Variants in SPTBN4 observed in about 807,000 individuals in gnomAD.
SPTBN4 encodes spectrin beta chain, non-erythrocytic 4.
A neutral mutation model predicts 277.8 loss-of-function variants in SPTBN4; 96 were observed. The ratio of observed to expected loss-of-function variants is 0.35; its 90% CI spans 0.29 to 0.41. The LOEUF (loss-of-function observed/expected upper bound fraction) is 0.41. SPTBN4 is among the 10% of genes least tolerant of loss of function. SPTBN4 has a pLI of 1.00. For missense variants in SPTBN4, 3,006 were observed against 3,595.7 expected, an observed-to-expected ratio of 0.84 and a Z score of 4.19; for synonymous variants, 1,481 against 1,580.3, an observed-to-expected ratio of 0.94 and a Z score of 1.49.
chr19:40,530,086 G>A lies in SPTBN4; in HGVS notation c.3948+955G>A, dbSNP rs182855006. On this transcript the variant is annotated intron_variant, in intron 18 of 35. Coordinates refer to ENST00000598249, the MANE Select transcript of SPTBN4 (RefSeq NM_020971.3). ...CCTGTTCCCCCTCGCCCCCACTGGA[G>A]ATTGTGAGATGTTCCAGGTCGCCCT... 1.3e-3 allele frequency among the ~76,000 whole-genome samples: 195 copies of A among 152,214 alleles called. 1 individual carries two copies. The highest frequency in any genetic ancestry group is 4.3e-3 in the Admixed American group (66 of 15,296).
chr19:40,552,767 G>A (rs1462110346), intron 22 of SPTBN4, among the ~76,000 whole-genome samples: 1 of 152,152 alleles, frequency 6.6e-6, no homozygotes, highest in African/African-American at 2.4e-5. Context: ...GCTGTCAACA[G>A]TGTGGGCGAC....
At chr19:40,480,022 C>T (rs1030390213) in intron 2 of SPTBN4, among the ~76,000 whole-genome samples, 15 of 151,574 alleles carry the variant, frequency 9.9e-5, no homozygotes, top group East Asian at 1.9e-4. Flanking sequence ...GAGGCAGAGG[C>T]GGATGGATCA....
chr19:40,572,534 A>C, intron 35 of SPTBN4, 154 bp downstream of exon 35: 1 of 942,534 alleles, frequency 1.1e-6, no homozygotes, highest in Non-Finnish European at 1.6e-6. Context: ...TGAGAGCCCA[A>C]AGGAGGTTCC....
At chr19:40,529,183 G>C (rs1418529144) in intron 18 of SPTBN4, 52 bp downstream of exon 18, 1 of 1,501,886 alleles carries the variant, frequency 6.7e-7, no homozygotes, top group Non-Finnish European at 9.3e-7. Flanking sequence ...AGTCGGGAGG[G>C]AAGTGCTTCT....
At chr19:40,512,532 T>C in intron 13 of SPTBN4, 74 bp from the exon 14 acceptor site, 1 of 1,428,850 alleles carries the variant, frequency 7.0e-7, no homozygotes, top group Non-Finnish European at 9.1e-7. Flanking sequence ...ACAGGGTAGG[T>C]AGCCCGCACC....
chr19:40,557,283 TGAG>T lies in SPTBN4; in HGVS notation c.5554_5556del (p.Glu1852del). On this transcript the variant is annotated inframe_deletion, in exon 26 of 36. Coordinates refer to ENST00000598249, the MANE Select transcript of SPTBN4 (RefSeq NM_020971.3). ...ACGCCCGAGAGCTTCAGGGACAGATTGAGGAGAAGCGGAGGCGGCTGCCCCGCC... is the reference window on the plus strand; with the variant it reads ...ACGCCCGAGAGCTTCAGGGACAGATTGAGAAGCGGAGGCGGCTGCCCCGCC... 1 of 1,613,490 alleles carries T rather than the reference TGAG, an allele frequency of 6.2e-7. No individual in the cohort carries two copies. Among genetic ancestry groups the T allele is most frequent in the Non-Finnish European group, 8.5e-7 (1 of 1,179,858 alleles).
intron 35 of SPTBN4, among the ~76,000 whole-genome samples, chr19:40,574,019 T>A (rs780373856): frequency 1.3e-5 from 2 of 151,996 alleles, no homozygotes; most frequent in African/African-American, 2.4e-5. Context: ...GAAGAATGGC[T>A]TGAACCCGGG....
intron 32 of SPTBN4, among the ~76,000 whole-genome samples, chr19:40,569,947 C>CACAG (rs949144127): frequency 1.4e-5 from 2 of 145,340 alleles, no homozygotes; most frequent in African/African-American, 5.3e-5. Flanking sequence ...CACACACACA[C>CACAG]ACACACACAC....
chr19:40,504,137 C>CTGGG lies in SPTBN4; in HGVS notation c.1665+5_1665+6insTGGG. 4 of 585,334 alleles carry CTGGG rather than the reference C, an allele frequency of 6.8e-6. No individual in the cohort carries two copies. Among genetic ancestry groups the CTGGG allele is most frequent in the Admixed American group, 3.1e-5 (1 of 32,352 alleles). The allele number at this position is 585,334 out of a possible 1,614,324, so 36.3% of individuals were successfully genotyped here. A position where few individuals can be genotyped will look rare whatever the true frequency, so the allele number is the denominator to read the frequency against. On this transcript the variant is annotated splice_donor_region_variant and intron_variant, in intron 12 of 35. Coordinates refer to ENST00000598249, the MANE Select transcript of SPTBN4 (RefSeq NM_020971.3). ...GACTGGATGGAGGAGATGCAGGTGC[C>CTGGG]GGCGGGGGGGCGGGGATGCGGGTGG...
chr19:40,562,725 T>C (rs1277128589), intron 27 of SPTBN4, among the ~76,000 whole-genome samples: 1 of 151,558 alleles, frequency 6.6e-6, no homozygotes, highest in African/African-American at 2.4e-5. Flanking sequence ...TCCCAGCTAC[T>C]TGGGAGGCTG....
chr19:40,570,432 ACAGCCGTCGCTGCCT>A lies in SPTBN4; in HGVS notation c.7029_7043del (p.Ser2344_Pro2348del). On this transcript the variant is annotated splice_acceptor_variant and splice_polypyrimidine_tract_variant and coding_sequence_variant and intron_variant, in exon 33 of 36. Coordinates refer to ENST00000598249, the MANE Select transcript of SPTBN4 (RefSeq NM_020971.3). LOFTEE classifies it high-confidence loss of function. ...GCACCCCTCTTCCCCCTCCCTTCAC[ACAGCCGTCGCTGCCT>A]CAGCCACGCGAGCTTCCCCCAGGTC... The A allele has an allele frequency of 1.9e-6, 3 of 1,546,832 alleles. No individual in the cohort carries two copies. The highest frequency in any genetic ancestry group is 1.7e-6 in the Non-Finnish European group (2 of 1,154,580).
At chr19:40,505,221 C>CAA (rs60448674) in intron 12 of SPTBN4, among the ~76,000 whole-genome samples, 45 of 75,020 alleles carry the variant, frequency 6.0e-4, no homozygotes, top group African/African-American at 1.6e-3. Context: ...CCTGTCTGTA[C>CAA]AAAAAAAAAA....
intron 17 of SPTBN4, among the ~76,000 whole-genome samples, chr19:40,527,837 C>A (rs1430435708): frequency 4.6e-5 from 7 of 152,156 alleles, no homozygotes; most frequent in Non-Finnish European, 1.0e-4. Flanking sequence ...GGGTGGATCA[C>A]TTGAGGTCAG....
rs1344395648 is a variant in SPTBN4 at position 40,512,932 on chromosome 19, C to T, written c.2143C>T (p.Leu715=). 2 of 1,422,616 alleles carry T rather than the reference C, an allele frequency of 1.4e-6. No homozygotes were observed. Among genetic ancestry groups the T allele is most frequent in the African/African-American group, 1.5e-5 (1 of 66,204 alleles). The allele number at this position is 1,422,616 out of a possible 1,614,324, so 88.1% of individuals were successfully genotyped here. A position where few individuals can be genotyped will look rare whatever the true frequency, so the allele number is the denominator to read the frequency against. ...CGAGCTGGGCGGGCGGCGAGCGTTG[C>T]TGCAGCAGGCCCTGCGGTGTGGCGA... ...QGELGGRRAL[L]QQALRCGEEL... The change falls in exon 14 of 36, where the codon CTG becomes TTG. Residue 715 remains leucine, a synonymous_variant. Coordinates refer to ENST00000598249, the MANE Select transcript of SPTBN4 (RefSeq NM_020971.3).
rs1450918274 is a variant in SPTBN4, at chr19:40,515,902, A to AAT, written c.2903+464_2903+465dup. The stretch of plus-strand genomic sequence containing the variant: ...CACACACACACACACACACACACAA[A>AAT]ATATATATATACACACACATATATA... On this transcript the variant is annotated intron_variant, in intron 15 of 35. Coordinates refer to ENST00000598249, the MANE Select transcript of SPTBN4 (RefSeq NM_020971.3). This position sits in a 1 kb window ranked among gnomAD's most constrained non-coding sequence, Gnocchi z 4.1. Among the ~76,000 whole-genome samples, 6 of 136,036 alleles carry AAT rather than the reference A, an allele frequency of 4.4e-5. 2 individuals are homozygous for AAT. In the South Asian group the frequency reaches 7.0e-4, roughly 16 times the overall value. The allele number at this position is 136,036 out of a possible 152,430, so 89.2% of individuals were successfully genotyped here. A position where few individuals can be genotyped will look rare whatever the true frequency, so the allele number is the denominator to read the frequency against.
intron 16 of SPTBN4, 104 bp downstream of exon 16, chr19:40,520,255 C>T: frequency 1.6e-6 from 2 of 1,255,130 alleles, no homozygotes; most frequent in Non-Finnish European, 2.0e-6. Context: ...TTTCCTGGGA[C>T]CACTGGGTTC....
chr19:40,565,668 C>T lies in SPTBN4; in HGVS notation c.6062C>T (p.Ala2021Val). 6.4e-7 allele frequency: 1 copy of T among 1,556,500 alleles called. No homozygotes were observed. The highest frequency in any genetic ancestry group is 1.2e-5 in the South Asian group (1 of 84,964). Residue 2021 changes from alanine to valine, a missense_variant, in exon 29 of 36, where the codon GCA (alanine) becomes GTA (valine). Physicochemically the swap from Ala to Val is moderately conservative, Grantham distance 64. Around this residue, in one of 5 missense-constraint regions of SPTBN4, gnomAD observed 425 missense variants for 594.7 expected, o/e 0.71. Transcript: ENST00000598249. ...CCCACCTGCCACTCCCAGATCCAGG[C>T]ACAGCTGGACAAGCTGGGAACCAGG... The part of the protein sequence containing the change: ...NKSAMADEIQ[A>V]QLDKLGTRKE...
chr19:40,575,383 G>A (rs777216991), intron 35 of SPTBN4, 28 bp from the exon 36 acceptor site: 16 of 1,601,412 alleles, frequency 1.0e-5, no homozygotes, highest in South Asian at 4.4e-5. Flanking sequence ...TTCCAAATAC[G>A]GCCTCTGTGC....
In SPTBN4 at chr19:40,513,241, C is replaced by A; in HGVS notation, c.2452C>A (p.Leu818Ile). 1 of 1,517,326 alleles carries A rather than the reference C, an allele frequency of 6.6e-7. No individual in the cohort carries two copies. Among genetic ancestry groups the A allele is most frequent in the Non-Finnish European group, 8.8e-7 (1 of 1,139,580 alleles). 94.0% of individuals were successfully genotyped at this position (1,517,326 alleles called of 1,614,324 possible). A position where few individuals can be genotyped will look rare whatever the true frequency, so the allele number is the denominator to read the frequency against. ...CCGCCTGGCGCGCCAGCACCGCGCG[C>A]TCACCGGGGAGGTGGAGGCACATCG... ...SRRLARQHRA[L>I]TGEVEAHRGP... Residue 818 changes from leucine to isoleucine, a missense_variant, in exon 14 of 36, where the codon CTC becomes ATC. By Grantham distance (5) the Leu-to-Ile change is conservative (BLOSUM62 2). Coordinates refer to ENST00000598249, the MANE Select transcript of SPTBN4 (RefSeq NM_020971.3).
Sources: gnomAD v4.1 joint callset for allele counts (sites outside exome capture counted in the v4.1 genomes callset) on GRCh38, gnomAD v4.1.1 for gene constraint, gnomAD v4.1.1 regional missense constraint, Gnocchi (gnomAD v3.1) non-coding constraint, MANE v1.5 for transcripts, NCBI Gene and HGNC (gene_info 2026-07-23, HGNC 2026-07-21) for gene names.